Variants in ZDHHC15 observed in about 807,000 individuals in gnomAD.
The protein encoded by ZDHHC15 is palmitoyltransferase ZDHHC15.
Under a neutral mutation model 31.7 loss-of-function variants are expected in ZDHHC15, and 19 were observed. That is an observed-to-expected ratio of 0.60 (90% CI 0.42 to 0.88). The LOEUF is 0.88. Among genes scored for constraint, ZDHHC15 ranks in the 40% least tolerant of loss-of-function variants. The pLI, the probability that ZDHHC15 is intolerant of heterozygous loss-of-function variation, is 0.00. For synonymous variants in ZDHHC15, 103 were observed against 90.0 expected, an observed-to-expected ratio of 1.14 and a Z score of -0.82; for missense variants, 209 against 251.2, an observed-to-expected ratio of 0.83 and a Z score of 1.14.
chrX:75,397,859 T>A (rs1300191490), intron 10 of ZDHHC15, among the ~76,000 whole-genome samples: 1 of 111,829 alleles, frequency 8.9e-6, no homozygotes, highest in Admixed American at 9.4e-5. Context: ...TTTGCAACCC[T>A]TGGGTAAGGA....
At chrX:75,422,037 A>G in intron 8 of ZDHHC15, 47 bp from the exon 9 acceptor site, 2 of 1,167,087 alleles carry the variant, frequency 1.7e-6, no homozygotes, top group Non-Finnish European at 2.3e-6. Flanking sequence ...AAAGCAATAA[A>G]GAAACAAATT....
At chrX:75,498,761 T>C (rs2085047228) in intron 2 of ZDHHC15, among the ~76,000 whole-genome samples, 1 of 111,408 alleles carries the variant, frequency 9.0e-6, no homozygotes, top group Admixed American at 9.6e-5. Context: ...TCATCATCAT[T>C]CTTCACAGAA....
At chrX:75,507,910 T>C (rs1197994044) in intron 1 of ZDHHC15, among the ~76,000 whole-genome samples, 3 of 111,133 alleles carry the variant, frequency 2.7e-5, no homozygotes, top group African/African-American at 9.8e-5. Context: ...ATGCATATTG[T>C]AGGGTTCACA....
In ZDHHC15 at chrX:75,377,551, C is replaced by A. The variant is rs1016428574; in HGVS notation, c.*32+1569G>T. Among the ~76,000 whole-genome samples, 3 of 110,223 alleles carry A rather than the reference C, an allele frequency of 2.7e-5. No individual in the cohort carries two copies. In the South Asian group the frequency reaches 1.2e-3, roughly 43 times the overall value. Reference sequence around the variant, plus strand: ...AGTTTGTGATTTCCACAAAATGAATCACTTTATTAATATATTTGGACAGAG... The same window carrying A: ...AGTTTGTGATTTCCACAAAATGAATAACTTTATTAATATATTTGGACAGAG... On this transcript the variant is annotated intron_variant, in intron 11 of 11. Coordinates refer to ENST00000373367, the MANE Select transcript of ZDHHC15 (RefSeq NM_144969.3).
intron 3 of ZDHHC15, among the ~76,000 whole-genome samples, chrX:75,452,959 T>C (rs1405640002): frequency 4.5e-5 from 5 of 111,645 alleles, no homozygotes; most frequent in African/African-American, 1.6e-4. Flanking sequence ...CACCCTCATA[T>C]TGCAATTAAA....
rs934542961 is a variant in ZDHHC15 at position 75,371,831 on chromosome X, G to GAT, written c.*1145_*1146dup. On this transcript the variant is annotated 3_prime_UTR_variant, in exon 12 of 12. Transcript: ENST00000373367. ...AGGCACTAGGACTAAAAGAAAGGCT[G>GAT]ATTATAAATAAATGGGGAAATTGAT... 8.9e-6 allele frequency: 1 copy of GAT among 111,969 alleles called. No homozygotes were observed. The highest frequency in any genetic ancestry group is 3.2e-5 in the African/African-American group (1 of 30,846). 9.2% of individuals were successfully genotyped at this position (111,969 alleles called of 1,213,427 possible).
chrX:75,484,403 A>G (rs1031507078), intron 2 of ZDHHC15, among the ~76,000 whole-genome samples: 2 of 112,353 alleles, frequency 1.8e-5, no homozygotes, highest in Non-Finnish European at 3.8e-5. Flanking sequence ...AAGACTAAAC[A>G]GACACTTCGC....
At chrX:75,472,714 G>A (rs180676115) in intron 3 of ZDHHC15, among the ~76,000 whole-genome samples, 1 of 111,805 alleles carries the variant, frequency 8.9e-6, no homozygotes, top group Non-Finnish European at 1.9e-5. Context: ...CCCTGTCATC[G>A]CCCAATGGGC....
chrX:75,429,628 C>T (rs929329789), intron 6 of ZDHHC15, among the ~76,000 whole-genome samples: 2 of 111,687 alleles, frequency 1.8e-5, no homozygotes, highest in Non-Finnish European at 3.8e-5. Flanking sequence ...TTTCAAACAT[C>T]AAGCCAACTA....
intron 10 of ZDHHC15, among the ~76,000 whole-genome samples, chrX:75,395,702 A>G (rs1316765844): frequency 8.9e-6 from 1 of 111,853 alleles, no homozygotes. Context: ...CCTAAAATTT[A>G]TATGGAACCA....
In ZDHHC15 at chrX:75,488,510, G is replaced by A. The variant is rs770536484; in HGVS notation, c.164-9525C>T. 6.2e-5 allele frequency among the ~76,000 whole-genome samples: 7 copies of A among 112,561 alleles called. No homozygotes were observed. In the East Asian group the frequency reaches 2.0e-3, roughly 31 times the overall value. The stretch of plus-strand genomic sequence containing the variant: ...TTACCAAGCCAGCTCTACAAGAAAT[G>A]TTAAAAGGAGCTCTATATCTTGAAA... On this transcript the variant is annotated intron_variant, in intron 2 of 11. Coordinates refer to ENST00000373367, the MANE Select transcript of ZDHHC15 (RefSeq NM_144969.3).
intron 10 of ZDHHC15, 148 bp from the exon 11 acceptor site, chrX:75,379,346 T>C (rs1248153018): frequency 2.7e-5 from 14 of 524,353 alleles, no homozygotes; most frequent in Admixed American, 2.6e-4. Context: ...CACAGAAGCA[T>C]TTGTAACCAG....
intron 9 of ZDHHC15, among the ~76,000 whole-genome samples, chrX:75,418,657 C>T (rs1013933632): frequency 8.9e-6 from 1 of 111,783 alleles, no homozygotes; most frequent in East Asian, 2.8e-4. Context: ...TCAGAAATAA[C>T]GTCACAAATC....
At chrX:75,490,772 T>C (rs924166652) in intron 2 of ZDHHC15, among the ~76,000 whole-genome samples, 5 of 111,827 alleles carry the variant, frequency 4.5e-5, no homozygotes, top group African/African-American at 1.6e-4. Flanking sequence ...GGGAGCTCAC[T>C]CATGATTTGG....
chrX:75,452,975 T>A (rs1212830573), intron 3 of ZDHHC15, among the ~76,000 whole-genome samples: 1 of 111,144 alleles, frequency 9.0e-6, no homozygotes, highest in African/African-American at 3.3e-5. Context: ...TTAAAAGAAC[T>A]AGAGAAACAA....
chrX:75,471,371 C>G (rs1186266651), intron 3 of ZDHHC15, among the ~76,000 whole-genome samples: 1 of 112,123 alleles, frequency 8.9e-6, no homozygotes, highest in Non-Finnish European at 1.9e-5. Flanking sequence ...CTGATTGGAT[C>G]CAGTGTGTAA....
At position 75,484,239 on chromosome X, in the gene ZDHHC15, AG is replaced by A. The variant is rs772838740; in HGVS notation, c.164-5255del. Among the ~76,000 whole-genome samples the A allele has an allele frequency of 3.9e-4, 43 of 111,678 alleles. 1 individual carries two copies. In the East Asian group the frequency reaches 8.5e-3, roughly 22 times the overall value. ...TGTTAGACACATTTTCCTCATATCA[AG>A]TATATATATACCTCCTCACAACTCC... is the stretch of plus-strand genomic sequence containing the variant. On this transcript the variant is annotated intron_variant, in intron 2 of 11. Transcript: ENST00000373367.
intron 10 of ZDHHC15, among the ~76,000 whole-genome samples, chrX:75,404,130 G>T (rs2083385969): frequency 8.9e-6 from 1 of 111,750 alleles, no homozygotes; most frequent in South Asian, 3.8e-4. Context: ...ATGGGGAAAA[G>T]ACTCCCTATT....
chrX:75,490,425 A>G (rs1281857763), intron 2 of ZDHHC15, among the ~76,000 whole-genome samples: 5 of 111,761 alleles, frequency 4.5e-5, no homozygotes, highest in Non-Finnish European at 9.4e-5. Flanking sequence ...AAGAGAGTGA[A>G]GGCCAATATT....
Sources: gnomAD v4.1 joint callset for allele counts (sites outside exome capture counted in the v4.1 genomes callset) on GRCh38, gnomAD v4.1.1 for gene constraint, MANE v1.5 for transcripts, NCBI Gene and HGNC (gene_info 2026-07-23, HGNC 2026-07-21) for gene names.